The following TMEM117 variants were observed in gnomAD, a reference collection of about 807,000 sequenced individuals.
TMEM117 encodes transmembrane protein 117.
A neutral mutation model predicts 52.4 loss-of-function variants in TMEM117; 27 were observed. The ratio of observed to expected loss-of-function variants is 0.51; its 90% CI spans 0.38 to 0.71. TMEM117 has a LOEUF of 0.71. TMEM117 is among the 30% of genes least tolerant of loss of function. The pLI, the probability that TMEM117 is intolerant of heterozygous loss-of-function variation, is 0.00. For missense variants in TMEM117, 556 were observed against 630.5 expected (o/e 0.88, Z 1.26); for synonymous variants, 215 against 206.3 (o/e 1.04, Z -0.36).
At chr12:44,235,737 A>T (rs912080015) in intron 5 of TMEM117, among the ~76,000 whole-genome samples, 11 of 151,616 alleles carry the variant, frequency 7.3e-5, no homozygotes, top group Admixed American at 4.0e-4. Context: ...ATTATTCCTT[A>T]AAGTACAGGT....
At chr12:44,368,629 T>C (rs1394946077) in intron 6 of TMEM117, among the ~76,000 whole-genome samples, 3 of 152,188 alleles carry the variant, frequency 2.0e-5, no homozygotes, top group Non-Finnish European at 4.4e-5. Context: ...TAGGAGAAAT[T>C]AGTCATTCAG....
At chr12:44,120,918 A>T (rs1948223193) in intron 3 of TMEM117, among the ~76,000 whole-genome samples, 1 of 152,136 alleles carries the variant, frequency 6.6e-6, no homozygotes, top group South Asian at 2.1e-4. Flanking sequence ...TTATTAGTCC[A>T]TTTTCATGCT....
intron 3 of TMEM117, among the ~76,000 whole-genome samples, chr12:44,095,628 GGAGA>G (rs1565825243): frequency 6.6e-6 from 1 of 152,016 alleles, no homozygotes; most frequent in East Asian, 1.9e-4. Context: ...AAGATGAATA[GGAGA>G]GAGAGAAGAA....
intron 6 of TMEM117, among the ~76,000 whole-genome samples, chr12:44,351,337 G>A (rs1951559292): frequency 6.6e-6 from 1 of 151,774 alleles, no homozygotes; most frequent in Non-Finnish European, 1.5e-5. Flanking sequence ...TATTCCCTTT[G>A]CTGTGCAGAA....
At chr12:44,176,630 A>G (rs1167138320) in intron 4 of TMEM117, among the ~76,000 whole-genome samples, 8 of 152,174 alleles carry the variant, frequency 5.3e-5, no homozygotes, top group Non-Finnish European at 1.2e-4. Flanking sequence ...CTAGAGTCCA[A>G]GGGAAATTGG....
chr12:44,104,296 G>T (rs549191721), intron 3 of TMEM117, among the ~76,000 whole-genome samples: 1 of 151,744 alleles, frequency 6.6e-6, no homozygotes, highest in African/African-American at 2.4e-5. Flanking sequence ...CTCCATTCTT[G>T]TTTTTTCTCT....
chr12:44,343,330 GT>G (rs1217638830), intron 6 of TMEM117, among the ~76,000 whole-genome samples: 15 of 152,140 alleles, frequency 9.9e-5, no homozygotes, highest in African/African-American at 3.6e-4. Context: ...CTCCCTTTCA[GT>G]TGTTATTTCC....
chr12:44,113,930 G>T (rs1326503180), intron 3 of TMEM117, among the ~76,000 whole-genome samples: 2 of 126,328 alleles, frequency 1.6e-5, no homozygotes, highest in Non-Finnish European at 3.2e-5. Context: ...TCTTAAGCCG[G>T]TCTGAAAAGC....
chr12:43,859,682 A>G (rs1182246192), intron 2 of TMEM117, among the ~76,000 whole-genome samples: 1 of 152,124 alleles, frequency 6.6e-6, no homozygotes, highest in East Asian at 1.9e-4. Flanking sequence ...TTGATTTAGA[A>G]GTGGTGGCAA....
At chr12:44,339,065 C>A (rs1951381052) in intron 6 of TMEM117, among the ~76,000 whole-genome samples, 1 of 152,074 alleles carries the variant, frequency 6.6e-6, no homozygotes, top group Non-Finnish European at 1.5e-5. Context: ...AGCAAAATGA[C>A]TACCCTACCC....
intron 4 of TMEM117, among the ~76,000 whole-genome samples, chr12:44,167,719 C>A (rs768577372): frequency 2.6e-5 from 4 of 152,106 alleles, no homozygotes; most frequent in Non-Finnish European, 5.9e-5. Flanking sequence ...TTCAGCTCTG[C>A]CATTTCAATA....
intron 2 of TMEM117, among the ~76,000 whole-genome samples, chr12:43,857,313 C>CTTTTTTTTTTT (rs10625731): frequency 2.7e-5 from 4 of 148,144 alleles, no homozygotes; most frequent in Non-Finnish European, 1.5e-5. Context: ...TTTCTAGGTA[C>CTTTTTTTTTTT]TTTTTTTTTT....
At chr12:43,985,847 G>C (rs994776714) in intron 3 of TMEM117, among the ~76,000 whole-genome samples, 2 of 152,172 alleles carry the variant, frequency 1.3e-5, no homozygotes, top group African/African-American at 4.8e-5. Context: ...CATGCTGAAA[G>C]AACAAACCTT....
the TMEM117 span, chr12:43,802,576 C>T: frequency 6.3e-6 from 5 of 798,862 alleles, no homozygotes; most frequent in Admixed American, 2.9e-5. Context: ...CTATTATTCA[C>T]ATCAAAAAGT....
intron 3 of TMEM117, among the ~76,000 whole-genome samples, chr12:44,003,941 G>A (rs1223313463): frequency 2.0e-5 from 3 of 152,190 alleles, no homozygotes; most frequent in Admixed American, 1.3e-4. Context: ...TGGCACTAAT[G>A]AGTCAGTCAG....
intron 2 of TMEM117, among the ~76,000 whole-genome samples, chr12:43,892,098 TGAG>T (rs1944116843): frequency 6.6e-6 from 1 of 152,138 alleles, no homozygotes; most frequent in African/African-American, 2.4e-5. Flanking sequence ...TAATGACTCA[TGAG>T]GAGAATTCAC....
At chr12:44,120,523 C>A (rs560790421) in intron 3 of TMEM117, among the ~76,000 whole-genome samples, 1 of 152,250 alleles carries the variant, frequency 6.6e-6, no homozygotes, top group South Asian at 2.1e-4. Context: ...AAAAAGCTAG[C>A]CATGTATGTA....
chr12:43,937,507 T>C (rs1338055335), intron 2 of TMEM117, among the ~76,000 whole-genome samples: 1 of 152,110 alleles, frequency 6.6e-6, no homozygotes, highest in Non-Finnish European at 1.5e-5. Context: ...AAATATAGGG[T>C]ATACAGAAAT....
rs1239034268 is a variant in TMEM117, at chr12:43,912,534, T to TATATATATAA, written c.278-31674_278-31673insATATATAAAT. On this transcript the variant is annotated intron_variant, in intron 2 of 7. Transcript: ENST00000266534. ...ATATATATATATATATATATATATA[T>TATATATATAA]ATGGCAGAATGAAAGCTCCATGTGG... Among the ~76,000 whole-genome samples, 6 of 130,056 alleles carry TATATATATAA rather than the reference T, an allele frequency of 4.6e-5. 1 individual carries two copies. Among genetic ancestry groups the TATATATATAA allele is most frequent in the African/African-American group, 1.7e-4 (6 of 34,824 alleles). 85.3% of individuals were successfully genotyped at this position (130,056 alleles called of 152,430 possible). A position where few individuals can be genotyped will look rare whatever the true frequency, so the allele number is the denominator to read the frequency against.
Sources: gnomAD v4.1 joint callset for allele counts (sites outside exome capture counted in the v4.1 genomes callset) on GRCh38, gnomAD v4.1.1 for gene constraint, MANE v1.5 for transcripts, NCBI Gene and HGNC (gene_info 2026-07-23, HGNC 2026-07-21) for gene names.